Variants in PPP2R2B observed in about 807,000 individuals in gnomAD.
PPP2R2B encodes the protein protein phosphatase 2 regulatory subunit Bbeta.
PPP2R2B carries 5 observed loss-of-function variants against 46.0 expected under a neutral mutation model. The observed-to-expected ratio is 0.11, with a 90% CI of 0.06 to 0.23. The LOEUF is 0.23. Ranked by LOEUF, PPP2R2B falls within the 10% of genes least tolerant of loss-of-function variation. PPP2R2B has a pLI of 1.00. For synonymous variants in PPP2R2B, 215 were observed against 206.7 expected, an observed-to-expected ratio of 1.04 and a Z score of -0.34; for missense variants, 367 against 575.0, an observed-to-expected ratio of 0.64 and a Z score of 3.70.
intron 1 of PPP2R2B, among the ~76,000 whole-genome samples, chr5:146,914,765 C>A (rs556209976): frequency 2.6e-5 from 4 of 152,282 alleles, no homozygotes; most frequent in Admixed American, 2.6e-4. Flanking sequence ...TCTTTGGCTA[C>A]ATAATGTAGA....
intron 1 of PPP2R2B, among the ~76,000 whole-genome samples, chr5:147,015,465 C>T (rs981670216): frequency 2.0e-5 from 3 of 151,540 alleles, no homozygotes; most frequent in African/African-American, 7.2e-5. Flanking sequence ...CTATATTTGC[C>T]AATCTGAAGG....
chr5:147,053,545 AAC>A (rs5872002), intron 1 of PPP2R2B, among the ~76,000 whole-genome samples: 44,353 of 148,538 alleles, frequency 0.3, 7,535 homozygotes, highest in East Asian at 0.5. Context: ...CAACAATATA[AAC>A]ACACACACAC....
intron 2 of PPP2R2B, among the ~76,000 whole-genome samples, chr5:146,852,000 G>A (rs1760376916): frequency 6.6e-6 from 1 of 152,042 alleles, no homozygotes; most frequent in Non-Finnish European, 1.5e-5. Flanking sequence ...TGTGTTAAAT[G>A]TTTGCTGAAG....
At chr5:146,935,839 G>A (rs112335142) in intron 1 of PPP2R2B, among the ~76,000 whole-genome samples, 1 of 152,176 alleles carries the variant, frequency 6.6e-6, no homozygotes, top group South Asian at 2.1e-4. Context: ...TTTGAGGTCT[G>A]CATATGCTTG....
chr5:146,656,938 C>A (rs1776373317), intron 5 of PPP2R2B, among the ~76,000 whole-genome samples: 1 of 152,168 alleles, frequency 6.6e-6, no homozygotes, highest in African/African-American at 2.4e-5. Flanking sequence ...TTTCCCGCCT[C>A]TCCTCTTGGG....
intron 2 of PPP2R2B, among the ~76,000 whole-genome samples, chr5:146,831,528 C>T (rs971549597): frequency 2.9e-5 from 4 of 139,120 alleles, no homozygotes; most frequent in African/African-American, 5.2e-5. Flanking sequence ...AAAAAAGCCT[C>T]TGGGTTGATA....
chr5:146,995,911 A>G (rs1031429310), intron 1 of PPP2R2B, among the ~76,000 whole-genome samples: 8 of 152,176 alleles, frequency 5.3e-5, no homozygotes, highest in Non-Finnish European at 1.0e-4. Flanking sequence ...CAAACCAGCA[A>G]TATAAAACCA....
At chr5:146,593,120 C>G in intron 8 of PPP2R2B, 58 bp from the exon 9 acceptor site, 1 of 1,317,284 alleles carries the variant, frequency 7.6e-7, no homozygotes, top group Non-Finnish European at 1.1e-6. Context: ...ATTATTTCTG[C>G]AAACACCTCC....
chr5:146,794,581 T>C (rs1272094800), intron 2 of PPP2R2B, among the ~76,000 whole-genome samples: 2 of 152,136 alleles, frequency 1.3e-5, no homozygotes, highest in Non-Finnish European at 2.9e-5. Flanking sequence ...GTACAGAGCT[T>C]CTCAGAAATG....
At chr5:146,869,600 T>G (rs1351858088) in intron 2 of PPP2R2B, among the ~76,000 whole-genome samples, 3 of 152,218 alleles carry the variant, frequency 2.0e-5, no homozygotes, top group Non-Finnish European at 4.4e-5. Context: ...CATGTATATT[T>G]AAATGTATGA....
chr5:146,809,200 G>T (rs112255011), intron 2 of PPP2R2B, among the ~76,000 whole-genome samples: 1 of 152,246 alleles, frequency 6.6e-6, no homozygotes, highest in South Asian at 2.1e-4. Flanking sequence ...CTATGTGGCC[G>T]TCAGGCTTTC....
chr5:147,000,758 GA>G (rs1754133834), intron 1 of PPP2R2B, among the ~76,000 whole-genome samples: 1 of 151,896 alleles, frequency 6.6e-6, no homozygotes, highest in Non-Finnish European at 1.5e-5. Context: ...AACACCCATA[GA>G]GTACATAGTG....
At chr5:146,871,275 T>A (rs1761599036) in intron 2 of PPP2R2B, among the ~76,000 whole-genome samples, 1 of 152,228 alleles carries the variant, frequency 6.6e-6, no homozygotes, top group Non-Finnish European at 1.5e-5. Context: ...ATCCCACAGC[T>A]GCCTCCGTCA....
intron 2 of PPP2R2B, among the ~76,000 whole-genome samples, chr5:146,832,911 A>C (rs1367580769): frequency 1.3e-5 from 2 of 152,044 alleles, no homozygotes; most frequent in East Asian, 3.9e-4. Context: ...ACAAGGATGA[A>C]ATTGCCTAAT....
intron 6 of PPP2R2B, among the ~76,000 whole-genome samples, chr5:146,643,377 C>T (rs1273119682): frequency 1.3e-5 from 2 of 151,980 alleles, no homozygotes; most frequent in Non-Finnish European, 2.9e-5. Context: ...AGGGAACAGT[C>T]AATAAACAAG....
chr5:146,689,046 A>G (rs985925206), intron 5 of PPP2R2B, among the ~76,000 whole-genome samples: 2 of 152,180 alleles, frequency 1.3e-5, no homozygotes, highest in Non-Finnish European at 2.9e-5. Context: ...AAAAAGTATA[A>G]AAAGAAAAAT....
chr5:146,947,812 G>A (rs916455906), intron 1 of PPP2R2B, among the ~76,000 whole-genome samples: 5 of 151,646 alleles, frequency 3.3e-5, no homozygotes, highest in African/African-American at 9.7e-5. Flanking sequence ...ATGCAACCCT[G>A]TGTTCTCATG....
At chr5:146,677,644 T>TGGG (rs1777829420) in intron 5 of PPP2R2B, among the ~76,000 whole-genome samples, 2 of 150,540 alleles carry the variant, frequency 1.3e-5, no homozygotes, top group African/African-American at 4.9e-5. Context: ...TCTCCCACTG[T>TGGG]AGCCTCTCAA....
At chr5:146,774,807 ACT>A (rs1755078359) in intron 2 of PPP2R2B, among the ~76,000 whole-genome samples, 1 of 148,054 alleles carries the variant, frequency 6.8e-6, no homozygotes, top group Admixed American at 6.9e-5. Context: ...ATAGAGCAAG[ACT>A]CTGTCTCAAA....
Sources: allele counts gnomAD v4.1 joint callset (sites outside exome capture counted in the v4.1 genomes callset), GRCh38; gene constraint gnomAD v4.1.1; transcripts MANE v1.5; gene names NCBI Gene and HGNC (gene_info 2026-07-23, HGNC 2026-07-21).